The following SLC25A48 variants were observed in gnomAD, a reference collection of about 807,000 sequenced individuals.
The protein encoded by SLC25A48 is CTC-321K16.1.
In SLC25A48, 29 loss-of-function variants were observed where a neutral mutation model predicts 32.2. The observed-to-expected ratio is 0.90, with a 90% CI of 0.67 to 1.23. The LOEUF (loss-of-function observed/expected upper bound fraction) is 1.23. Among genes scored for constraint, SLC25A48 ranks in the 50% most tolerant of loss-of-function variants. The pLI, the probability that SLC25A48 is intolerant of heterozygous loss-of-function variation, is 0.00. For synonymous variants in SLC25A48, 164 were observed against 172.3 expected (o/e 0.95, Z 0.38); for missense variants, 399 against 422.7 (o/e 0.94, Z 0.49).
chr5:135,689,635 C>T (rs1181837728), intron 3 of SLC25A48, among the ~76,000 whole-genome samples: 1 of 152,178 alleles, frequency 6.6e-6, no homozygotes, highest in Non-Finnish European at 1.5e-5. Context: ...GCAGGTGGTT[C>T]TTGCTTAGAA....
chr5:135,774,523 A>T (rs1756497912), intron 3 of SLC25A48, among the ~76,000 whole-genome samples: 1 of 151,742 alleles, frequency 6.6e-6, no homozygotes, highest in South Asian at 2.1e-4. Context: ...GCCCCCTGTG[A>T]TATATTTTCT....
At chr5:135,591,925 A>C (rs1044660318) in intron 1 of SLC25A48, among the ~76,000 whole-genome samples, 3 of 152,170 alleles carry the variant, frequency 2.0e-5, no homozygotes, top group African/African-American at 4.8e-5. Flanking sequence ...AACCTAAGCT[A>C]AGCAGCTTCT....
At chr5:135,750,277 A>G (rs1176612071) in intron 3 of SLC25A48, among the ~76,000 whole-genome samples, 3 of 152,088 alleles carry the variant, frequency 2.0e-5, no homozygotes, top group Non-Finnish European at 4.4e-5. Context: ...TCACCCCAAT[A>G]TGTAATGGTT....
At chr5:135,836,490 T>G (rs959116296) in intron 1 of SLC25A48, among the ~76,000 whole-genome samples, 19 of 152,172 alleles carry the variant, frequency 1.2e-4, no homozygotes, top group Non-Finnish European at 2.8e-4. Context: ...ATTTTATGTA[T>G]TATAAAATTC....
At chr5:135,756,251 A>C (rs1472363083) in intron 3 of SLC25A48, among the ~76,000 whole-genome samples, 2 of 152,124 alleles carry the variant, frequency 1.3e-5, no homozygotes, top group Non-Finnish European at 2.9e-5. Flanking sequence ...GGTATTTATA[A>C]CATCTAGTGT....
At chr5:135,734,347 G>GA (rs1755300669) in intron 3 of SLC25A48, among the ~76,000 whole-genome samples, 1 of 74,718 alleles carries the variant, frequency 1.3e-5, no homozygotes, top group Admixed American at 1.2e-4. Flanking sequence ...GGCCTAATAA[G>GA]GAACTGGGCA....
intron 3 of SLC25A48, among the ~76,000 whole-genome samples, chr5:135,756,026 C>G (rs1283600948): frequency 6.6e-6 from 1 of 151,790 alleles, no homozygotes; most frequent in Non-Finnish European, 1.5e-5. Flanking sequence ...TGATATTTAT[C>G]ATATAATATC....
intron 3 of SLC25A48, among the ~76,000 whole-genome samples, chr5:135,740,169 CAT>C (rs769219879): frequency 7.3e-5 from 11 of 151,658 alleles, no homozygotes; most frequent in East Asian, 2.0e-4. Flanking sequence ...TGTGTGTGTG[CAT>C]GTGTGTGTGT....
chr5:135,620,945 T>A (rs1303480559), intron 1 of SLC25A48, among the ~76,000 whole-genome samples: 1 of 152,182 alleles, frequency 6.6e-6, no homozygotes, highest in Non-Finnish European at 1.5e-5. Context: ...TCCAGACTCA[T>A]GGCAAATCCC....
intron 3 of SLC25A48, among the ~76,000 whole-genome samples, chr5:135,724,098 A>G (rs1755033738): frequency 6.6e-6 from 1 of 152,156 alleles, no homozygotes; most frequent in Non-Finnish European, 1.5e-5. Context: ...GTCCTTTTCA[A>G]TGGCTTTTCT....
At chr5:135,782,387 A>T (rs1262692747) in intron 3 of SLC25A48, among the ~76,000 whole-genome samples, 1 of 116,684 alleles carries the variant, frequency 8.6e-6, no homozygotes, top group Non-Finnish European at 2.1e-5. Flanking sequence ...ATGTGAGAGG[A>T]TGATATCACC....
At chr5:135,773,153 G>T (rs571395774) in intron 3 of SLC25A48, among the ~76,000 whole-genome samples, 1 of 151,372 alleles carries the variant, frequency 6.6e-6, no homozygotes, top group Admixed American at 6.6e-5. Flanking sequence ...GGTGGTAGAG[G>T]ATAATATTAC....
intron 7 of SLC25A48, 23 bp downstream of exon 7, chr5:135,880,120 C>T (rs773153784): frequency 1.3e-6 from 2 of 1,516,128 alleles, no homozygotes; most frequent in Admixed American, 2.1e-5. Context: ...CCATCCTGGC[C>T]AATTGTGCCT....
At position 135,664,394 on chromosome 5, in the gene SLC25A48, C is replaced by G. The variant is rs117965227; in HGVS notation, c.-521+29438C>G. On this transcript the variant is annotated intron_variant, in intron 3 of 10. Coordinates refer to the SLC25A48 transcript ENST00000646290. Reference sequence around the variant, plus strand: ...TCTGCATTCCAGTGGTGAGCATGGACCGATCTAGAATGGACCTTCTGTTGT... The same window carrying G: ...TCTGCATTCCAGTGGTGAGCATGGAGCGATCTAGAATGGACCTTCTGTTGT... Among the ~76,000 whole-genome samples, 73 of 152,254 alleles carry G rather than the reference C, an allele frequency of 4.8e-4. 1 individual carries two copies. In the East Asian group the frequency reaches 0.013, roughly 26 times the overall value.
chr5:135,682,891 C>T (rs1052094997), intron 3 of SLC25A48, among the ~76,000 whole-genome samples: 8 of 152,166 alleles, frequency 5.3e-5, no homozygotes, highest in Admixed American at 6.5e-5. Flanking sequence ...CTGGGAGGCA[C>T]AACATATCTT....
intron 3 of SLC25A48, among the ~76,000 whole-genome samples, chr5:135,682,903 A>G (rs889155885): frequency 6.6e-6 from 1 of 152,180 alleles, no homozygotes; most frequent in African/African-American, 2.4e-5. Context: ...ACATATCTTT[A>G]TTGTTATTAT....
In SLC25A48 at chr5:135,861,878, A is replaced by G. The variant is rs186464505; in HGVS notation, c.421+9057A>G. Among the ~76,000 whole-genome samples, 389 of 152,324 alleles carry G rather than the reference A, an allele frequency of 2.6e-3. 3 individuals are homozygous for G. Among genetic ancestry groups the G allele is most frequent in the Non-Finnish European group, 3.3e-3 (223 of 68,038 alleles). ...TAAAGGGAATTTCCATTTGACACTG[A>G]CTACCATTGCACAATAACCAGTAGT... On this transcript the variant is annotated intron_variant, in intron 4 of 7. Coordinates refer to ENST00000681962, the MANE Select transcript of SLC25A48 (RefSeq NM_001349336.2).
intron 4 of SLC25A48, chr5:135,826,570 T>G (rs1185055922): frequency 6.6e-6 from 1 of 152,234 alleles, no homozygotes; most frequent in African/African-American, 2.4e-5. Flanking sequence ...TTGGCGCTGG[T>G]GCACTAATTG....
chr5:135,676,151 A>G (rs1753764154), intron 3 of SLC25A48, among the ~76,000 whole-genome samples: 1 of 151,602 alleles, frequency 6.6e-6, no homozygotes, highest in African/African-American at 2.4e-5. Context: ...TGTAAAGGGG[A>G]TATCTCTTGT....
Sources: allele counts gnomAD v4.1 joint callset (sites outside exome capture counted in the v4.1 genomes callset), GRCh38; gene constraint gnomAD v4.1.1; transcripts MANE v1.5; gene names NCBI Gene and HGNC (gene_info 2026-07-23, HGNC 2026-07-21).